The following ME1 variants were observed in gnomAD, a reference collection of about 807,000 sequenced individuals.
ME1 encodes malic enzyme 1, also known as NADP-dependent malic enzyme.
A neutral mutation model predicts 66.4 loss-of-function variants in ME1; 74 were observed. That is an observed-to-expected ratio of 1.11 (90% CI 0.92 to 1.35). The LOEUF (loss-of-function observed/expected upper bound fraction) is 1.35, where lower values mean the gene tolerates loss of function less well. ME1 is among the 40% of genes most tolerant of loss of function. The pLI is 0.00. For synonymous variants in ME1, 251 were observed against 235.6 expected, an observed-to-expected ratio of 1.07 and a Z score of -0.60; for missense variants, 750 against 694.1, an observed-to-expected ratio of 1.08 and a Z score of -0.90.
intron 6 of ME1, among the ~76,000 whole-genome samples, chr6:83,283,227 C>CAAAAAAAAAAAAAAAAAAAAAAAAAA (rs71545854): frequency 2.8e-4 from 8 of 28,894 alleles, no homozygotes; most frequent in Admixed American, 4.3e-4. Context: ...GACTCCGTCT[C>CAAAAAAAAAAAAAAAAAAAAAAAAAA]AAAAAAAAAA....
At chr6:83,232,384 A>G (rs1438496698) in intron 9 of ME1, among the ~76,000 whole-genome samples, 2 of 152,224 alleles carry the variant, frequency 1.3e-5, no homozygotes, top group Non-Finnish European at 2.9e-5. Flanking sequence ...AGATTAAACT[A>G]AGATAAATTA....
intron 6 of ME1, among the ~76,000 whole-genome samples, chr6:83,295,416 G>A (rs559668462): frequency 4.6e-5 from 7 of 152,342 alleles, no homozygotes; most frequent in Admixed American, 2.6e-4. Context: ...TAACCAGGAT[G>A]AGATGACTGA....
At chr6:83,269,924 C>T (rs1767055438) in intron 6 of ME1, among the ~76,000 whole-genome samples, 1 of 152,028 alleles carries the variant, frequency 6.6e-6, no homozygotes, top group Non-Finnish European at 1.5e-5. Context: ...TGTCTCATTC[C>T]AAAATTCTGT....
intron 11 of ME1, among the ~76,000 whole-genome samples, chr6:83,226,531 A>G (rs187469038): frequency 6.6e-6 from 1 of 152,244 alleles, no homozygotes; most frequent in African/African-American, 2.4e-5. Context: ...CACTGATGCC[A>G]TCCCAAATAA....
chr6:83,388,722 T>C (rs1198894839), intron 3 of ME1, among the ~76,000 whole-genome samples: 2 of 152,218 alleles, frequency 1.3e-5, no homozygotes, highest in Non-Finnish European at 2.9e-5. Context: ...CCAAAAGTAC[T>C]ATCTAATCAA....
At chr6:83,365,091 T>C (rs866997226) in intron 3 of ME1, among the ~76,000 whole-genome samples, 16 of 152,280 alleles carry the variant, frequency 1.1e-4, no homozygotes, top group African/African-American at 3.6e-4. Context: ...CACCAACCTA[T>C]GTGGGTGTTC....
intron 3 of ME1, among the ~76,000 whole-genome samples, chr6:83,372,950 T>C (rs2128547428): frequency 6.6e-6 from 1 of 152,340 alleles, no homozygotes; most frequent in African/African-American, 2.4e-5. Flanking sequence ...AGTAAATGTT[T>C]AGTGATGTTG....
chr6:83,346,648 C>T (rs1256287520), intron 4 of ME1, among the ~76,000 whole-genome samples: 3 of 152,134 alleles, frequency 2.0e-5, no homozygotes, highest in African/African-American at 4.8e-5. Flanking sequence ...AGAGCTCAGA[C>T]TGGGAACCAA....
intron 12 of ME1, among the ~76,000 whole-genome samples, chr6:83,221,757 A>C (rs1427906565): frequency 6.6e-6 from 1 of 152,220 alleles, no homozygotes; most frequent in Non-Finnish European, 1.5e-5. Flanking sequence ...TAAGAAAAAG[A>C]GAAGAAAAAA....
chr6:83,294,213 A>G (rs1767554372), intron 6 of ME1, among the ~76,000 whole-genome samples: 1 of 152,232 alleles, frequency 6.6e-6, no homozygotes, highest in African/African-American at 2.4e-5. Flanking sequence ...TCTGTGTATT[A>G]TTAAGAACTG....
intron 1 of ME1, among the ~76,000 whole-genome samples, chr6:83,421,902 C>T (rs1285033942): frequency 2.0e-5 from 3 of 152,100 alleles, no homozygotes; most frequent in Non-Finnish European, 4.4e-5. Context: ...GTCTCAAGAT[C>T]GTAGGTCAAA....
At chr6:83,349,270 A>C (rs1444549933) in intron 4 of ME1, among the ~76,000 whole-genome samples, 4 of 152,150 alleles carry the variant, frequency 2.6e-5, no homozygotes, top group Admixed American at 2.6e-4. Context: ...AAAGAAAAAA[A>C]GTTTTGTCAC....
At chr6:83,317,754 C>T (rs1284306809) in intron 5 of ME1, among the ~76,000 whole-genome samples, 2 of 152,118 alleles carry the variant, frequency 1.3e-5, no homozygotes, top group Non-Finnish European at 2.9e-5. Context: ...TCAATGCCAT[C>T]CCCATCAAGC....
chr6:83,217,208 G>C (rs1326785083), intron 12 of ME1, among the ~76,000 whole-genome samples: 4 of 152,156 alleles, frequency 2.6e-5, no homozygotes, highest in Non-Finnish European at 5.9e-5. Flanking sequence ...CTAAGGCAGA[G>C]AGGGAGACTC....
intron 1 of ME1, among the ~76,000 whole-genome samples, chr6:83,413,291 A>G (rs1770086145): frequency 6.6e-6 from 1 of 152,150 alleles, no homozygotes; most frequent in African/African-American, 2.4e-5. Context: ...GGATTATTAC[A>G]CAATCAAATT....
intron 7 of ME1, among the ~76,000 whole-genome samples, chr6:83,243,556 TCGATA>T: frequency 1.3e-5 from 1 of 75,150 alleles, no homozygotes; most frequent in South Asian, 2.8e-4. Flanking sequence ...TTATATTATA[TCGATA>T]TAATCTATTA....
chr6:83,248,643 G>T (rs1436225176), intron 7 of ME1, among the ~76,000 whole-genome samples: 1 of 152,016 alleles, frequency 6.6e-6, no homozygotes, highest in African/African-American at 2.4e-5. Flanking sequence ...TAGTGAGTGA[G>T]TTCTCACAAG....
chr6:83,401,075 C>A (rs1260138278), intron 2 of ME1, among the ~76,000 whole-genome samples: 1 of 152,190 alleles, frequency 6.6e-6, no homozygotes, highest in Non-Finnish European at 1.5e-5. Context: ...CCTCTTTACC[C>A]TGCTCTACCT....
chr6:83,322,727 A>T (rs184461871), intron 5 of ME1, among the ~76,000 whole-genome samples: 1 of 152,306 alleles, frequency 6.6e-6, no homozygotes, highest in Admixed American at 6.5e-5. Flanking sequence ...GTTGGAAAAC[A>T]CTCTTCAGGA....
Sources: allele counts gnomAD v4.1 joint callset (sites outside exome capture counted in the v4.1 genomes callset), GRCh38; gene constraint gnomAD v4.1.1; transcripts MANE v1.5; gene names NCBI Gene and HGNC (gene_info 2026-07-23, HGNC 2026-07-21).